AK9: variants seen among roughly 807,000 people sequenced by gnomAD.
The protein encoded by AK9 is adenylate kinase domain containing 1.
AK9 carries 191 observed loss-of-function variants against 239.6 expected under a neutral mutation model. The ratio of observed to expected loss-of-function variants is 0.80; its 90% CI spans 0.71 to 0.90. The LOEUF (loss-of-function observed/expected upper bound fraction) is 0.90. AK9 is among the 40% of genes least tolerant of loss of function. AK9 has a pLI of 0.00. For missense variants in AK9, 1,995 were observed against 2,214.7 expected, an observed-to-expected ratio of 0.90 and a Z score of 1.99; for synonymous variants, 689 against 721.0, an observed-to-expected ratio of 0.96 and a Z score of 0.71.
At chr6:109,587,441 G>T (rs1789653093) in intron 17 of AK9, among the ~76,000 whole-genome samples, 1 of 152,030 alleles carries the variant, frequency 6.6e-6, no homozygotes, top group Non-Finnish European at 1.5e-5. Flanking sequence ...GTGAAGTCAG[G>T]GCTTTCAGTG....
At chr6:109,514,486 G>A in intron 31 of AK9, 49 bp from the exon 32 acceptor site, 1 of 1,413,400 alleles carries the variant, frequency 7.1e-7, no homozygotes, top group Non-Finnish European at 9.5e-7. Flanking sequence ...AATTTTTACA[G>A]CACTTCCCTG....
intron 1 of AK9, among the ~76,000 whole-genome samples, chr6:109,680,365 A>G (rs868086347): frequency 6.6e-6 from 1 of 152,194 alleles, no homozygotes; most frequent in Non-Finnish European, 1.5e-5. Context: ...GTGACTGAAG[A>G]TCAACTTAAT....
chr6:109,589,335 G>A (rs1789917740), intron 17 of AK9, among the ~76,000 whole-genome samples: 1 of 152,036 alleles, frequency 6.6e-6, no homozygotes, highest in African/African-American at 2.4e-5. Context: ...TATTTTCATA[G>A]CCATTATAAA....
chr6:109,500,479 T>C (rs890552361), intron 35 of AK9, among the ~76,000 whole-genome samples: 10 of 152,206 alleles, frequency 6.6e-5, no homozygotes, highest in Non-Finnish European at 1.2e-4. Flanking sequence ...AGTGGACTTA[T>C]TATAGCCAGT....
chr6:109,626,014 T>C (rs1347973126), intron 12 of AK9, among the ~76,000 whole-genome samples: 1 of 152,148 alleles, frequency 6.6e-6, no homozygotes, highest in African/African-American at 2.4e-5. Context: ...TGAAGCTCTG[T>C]TCATTTCTTT....
At position 109,579,599 on chromosome 6, in the gene AK9, G is replaced by A. The variant is rs376190558; in HGVS notation, c.2142C>T (p.Leu714=). Residue 714 remains leucine, a synonymous_variant, in exon 20 of 41, where the codon CTC becomes CTT. Transcript: ENST00000424296. The part of the protein sequence containing the change: ...ARKATEEELR[L]EEENRRLLEL... The stretch of plus-strand genomic sequence containing the variant: ...CCAGTAGCCTTCGATTTTCTTCTTC[G>A]AGTCTCAATTCCTCTTCTGTGGCTT... 57 of 1,551,032 alleles carry A rather than the reference G, an allele frequency of 3.7e-5. 1 individual carries two copies. In the East Asian group the frequency reaches 5.9e-4, roughly 16 times the overall value.
At chr6:109,559,365 C>A (rs1047481487) in intron 24 of AK9, among the ~76,000 whole-genome samples, 1 of 152,006 alleles carries the variant, frequency 6.6e-6, no homozygotes, top group Non-Finnish European at 1.5e-5. Context: ...GATGGGGTTT[C>A]ACCGTGTTAG....
chr6:109,683,821 T>G (rs6568594), intron 1 of AK9, among the ~76,000 whole-genome samples: 63,442 of 151,990 alleles, frequency 0.42, 14,921 homozygotes, highest in African/African-American at 0.64. Flanking sequence ...TGGCCATACT[T>G]CCCAAAGTAA....
At chr6:109,647,392 A>G (rs1425455000) in intron 8 of AK9, among the ~76,000 whole-genome samples, 1 of 152,226 alleles carries the variant, frequency 6.6e-6, no homozygotes, top group Non-Finnish European at 1.5e-5. Flanking sequence ...GGATGGAGGA[A>G]GATCTACCAA....
At chr6:109,616,016 A>T (rs928368070) in intron 13 of AK9, among the ~76,000 whole-genome samples, 3 of 152,096 alleles carry the variant, frequency 2.0e-5, no homozygotes, top group African/African-American at 7.2e-5. Context: ...CCGGAGGATC[A>T]CTTGAGGCCA....
At chr6:109,510,109 T>A (rs1238525318) in intron 32 of AK9, among the ~76,000 whole-genome samples, 2 of 151,884 alleles carry the variant, frequency 1.3e-5, no homozygotes, top group Admixed American at 6.5e-5. Context: ...AGGGAGGGCC[T>A]GAAGGCTGGG....
At chr6:109,534,764 C>T (rs1019618106) in intron 27 of AK9, among the ~76,000 whole-genome samples, 3 of 151,950 alleles carry the variant, frequency 2.0e-5, no homozygotes, top group Non-Finnish European at 2.9e-5. Context: ...CCACTCCCCA[C>T]CCCACAACAG....
At position 109,671,950 on chromosome 6, in the gene AK9, C is replaced by G; in HGVS notation, c.300G>C (p.Glu100Asp). 1 of 1,613,960 alleles carries G rather than the reference C, an allele frequency of 6.2e-7. No homozygotes were observed. Among genetic ancestry groups the G allele is most frequent in the Non-Finnish European group, 8.5e-7 (1 of 1,179,930 alleles). ...GACAGACTTCTGGGGAGTTGAGCTTCTCCAACATTAGCTTTATGACAAGTT... is the reference window on the plus strand; with the variant it reads ...GACAGACTTCTGGGGAGTTGAGCTTGTCCAACATTAGCTTTATGACAAGTT... ...PDELVIKLML[E>D]KLNSPEVCHF... The change falls in exon 5 of 41, where the codon GAG becomes GAC. Residue 100 changes from glutamate (E) to aspartate (D), a missense_variant. This residue lies in a region of AK9 where 252 missense variants were observed against 246.4 expected (regional missense o/e 1.02). Transcript: ENST00000424296.
chr6:109,510,701 C>T (rs1451327201), intron 32 of AK9, among the ~76,000 whole-genome samples: 2 of 152,206 alleles, frequency 1.3e-5, no homozygotes, highest in Admixed American at 6.5e-5. Flanking sequence ...CTTGTTCACT[C>T]TTCACTTGTC....
intron 13 of AK9, among the ~76,000 whole-genome samples, chr6:109,615,082 C>T (rs1343024141): frequency 6.6e-6 from 1 of 152,162 alleles, no homozygotes; most frequent in Non-Finnish European, 1.5e-5. Flanking sequence ...AGAAACATTA[C>T]AGATCACTGT....
intron 35 of AK9, among the ~76,000 whole-genome samples, chr6:109,500,544 A>G (rs1431038565): frequency 1.3e-5 from 2 of 152,230 alleles, no homozygotes; most frequent in African/African-American, 4.8e-5. Flanking sequence ...TTAAAAGATT[A>G]TGCCTAGGAA....
intron 10 of AK9, among the ~76,000 whole-genome samples, chr6:109,636,383 G>GT (rs897071387): frequency 1.4e-4 from 21 of 151,868 alleles, no homozygotes; most frequent in African/African-American, 4.3e-4. Flanking sequence ...TTTATTTTTT[G>GT]TTTTTTTAAT....
At chr6:109,680,880 A>C (rs1772523142) in intron 1 of AK9, among the ~76,000 whole-genome samples, 2 of 152,208 alleles carry the variant, frequency 1.3e-5, no homozygotes, top group Admixed American at 6.5e-5. Context: ...GAGAAATAAA[A>C]TCCTTTACAG....
At chr6:109,607,468 A>G (rs1793029271) in intron 17 of AK9, among the ~76,000 whole-genome samples, 1 of 152,168 alleles carries the variant, frequency 6.6e-6, no homozygotes, top group Non-Finnish European at 1.5e-5. Context: ...TTTACATACC[A>G]TTTACATTGT....
Sources: allele counts gnomAD v4.1 joint callset (sites outside exome capture counted in the v4.1 genomes callset), GRCh38; gene constraint gnomAD v4.1.1; regional missense constraint gnomAD v4.1.1; transcripts MANE v1.5; gene names NCBI Gene and HGNC (gene_info 2026-07-23, HGNC 2026-07-21).